Variants in ADCY2 observed in about 807,000 individuals in gnomAD.
The protein encoded by ADCY2 is adenylate cyclase 2.
Under a neutral mutation model 125.2 loss-of-function variants are expected in ADCY2, and 31 were observed. That is an observed-to-expected ratio of 0.25 (90% CI 0.19 to 0.33). ADCY2 has a LOEUF of 0.33. Ranked by LOEUF, ADCY2 falls within the 10% of genes least tolerant of loss-of-function variation. The pLI is 1.00. For missense variants in ADCY2, 904 were observed against 1,418.2 expected (o/e 0.64, Z 5.82); for synonymous variants, 512 against 548.4 (o/e 0.93, Z 0.93).
At chr5:7,617,130 GTGTTC>G (rs1486073485) in intron 3 of ADCY2, among the ~76,000 whole-genome samples, 2 of 152,034 alleles carry the variant, frequency 1.3e-5, no homozygotes, top group Non-Finnish European at 2.9e-5. Context: ...TTGATCTTTT[GTGTTC>G]TGCCATGGGA....
intron 2 of ADCY2, among the ~76,000 whole-genome samples, chr5:7,462,429 A>G (rs1741948450): frequency 6.6e-6 from 1 of 152,200 alleles, no homozygotes; most frequent in South Asian, 2.1e-4. Context: ...GGCATTCCCA[A>G]TACTGCTATC....
At chr5:7,803,868 C>T (rs1485139739) in intron 21 of ADCY2, among the ~76,000 whole-genome samples, 1 of 151,484 alleles carries the variant, frequency 6.6e-6, no homozygotes, top group Non-Finnish European at 1.5e-5. Flanking sequence ...CCACTGCACT[C>T]CAGCTAGGGT....
chr5:7,790,149 G>A (rs1029495460), intron 20 of ADCY2, among the ~76,000 whole-genome samples: 1 of 152,148 alleles, frequency 6.6e-6, no homozygotes, highest in Non-Finnish European at 1.5e-5. Flanking sequence ...CCCATTGTGG[G>A]AGGAGGCCTG....
intron 14 of ADCY2, among the ~76,000 whole-genome samples, chr5:7,735,922 G>T (rs1742235826): frequency 6.6e-6 from 1 of 152,168 alleles, no homozygotes; most frequent in East Asian, 1.9e-4. Flanking sequence ...TTTGGGCCAG[G>T]CATGCTAGCT....
At chr5:7,609,068 A>C (rs963138240) in intron 3 of ADCY2, among the ~76,000 whole-genome samples, 2 of 152,172 alleles carry the variant, frequency 1.3e-5, no homozygotes, top group African/African-American at 4.8e-5. Flanking sequence ...CCAGTCTGGG[A>C]AGGTTTCATT....
chr5:7,461,141 G>A (rs757504433), intron 2 of ADCY2, among the ~76,000 whole-genome samples: 1 of 152,082 alleles, frequency 6.6e-6, no homozygotes, highest in African/African-American at 2.4e-5. Context: ...CCTGGGATGA[G>A]GGTTCTCTCT....
chr5:7,509,107 G>C (rs774708389), intron 2 of ADCY2, among the ~76,000 whole-genome samples: 10 of 152,184 alleles, frequency 6.6e-5, no homozygotes, highest in Non-Finnish European at 1.2e-4. Flanking sequence ...GAAATCAGTG[G>C]ACAAGTTTGG....
At chr5:7,767,534 T>A (rs963066859) in intron 17 of ADCY2, among the ~76,000 whole-genome samples, 5 of 152,218 alleles carry the variant, frequency 3.3e-5, no homozygotes, top group African/African-American at 1.2e-4. Flanking sequence ...AAGGGAACTA[T>A]TTTGGGGACT....
chr5:7,756,473 C>T (rs1311449432), intron 15 of ADCY2, among the ~76,000 whole-genome samples: 1 of 152,154 alleles, frequency 6.6e-6, no homozygotes, highest in Non-Finnish European at 1.5e-5. Flanking sequence ...AGTATAGATC[C>T]ATACAATGGA....
intron 24 of ADCY2, 125 bp from the exon 25 acceptor site, chr5:7,826,594 C>G (rs1195580406): frequency 4.8e-6 from 6 of 1,256,258 alleles, no homozygotes; most frequent in Non-Finnish European, 7.0e-6. Context: ...TTTCTACTAA[C>G]TTCTCAGGAG....
chr5:7,714,014 T>A (rs1741522802), intron 11 of ADCY2, among the ~76,000 whole-genome samples: 1 of 152,222 alleles, frequency 6.6e-6, no homozygotes. Flanking sequence ...GGATGAGCTC[T>A]AATTTGGACT....
intron 4 of ADCY2, among the ~76,000 whole-genome samples, chr5:7,632,047 G>A (rs1189043326): frequency 6.6e-6 from 1 of 152,130 alleles, no homozygotes; most frequent in Non-Finnish European, 1.5e-5. Flanking sequence ...AGCCAAGCTG[G>A]ACATTAATAG....
chr5:7,639,728 T>A (rs528502488), intron 4 of ADCY2, among the ~76,000 whole-genome samples: 13 of 152,324 alleles, frequency 8.5e-5, no homozygotes, highest in Admixed American at 2.6e-4. Context: ...TGAGGCTCAC[T>A]TATATCATCG....
intron 12 of ADCY2, among the ~76,000 whole-genome samples, chr5:7,723,017 T>C (rs1343400174): frequency 6.9e-6 from 1 of 145,550 alleles, no homozygotes; most frequent in African/African-American, 2.6e-5. Flanking sequence ...TGGATGGAGC[T>C]GGAGGCCATT....
At chr5:7,669,948 A>G (rs767845708) in intron 4 of ADCY2, among the ~76,000 whole-genome samples, 1 of 152,138 alleles carries the variant, frequency 6.6e-6, no homozygotes, top group Non-Finnish European at 1.5e-5. Flanking sequence ...ATGTTCCTCA[A>G]TGGTTTATGG....
rs758662226 is a variant in ADCY2 at position 7,827,821 on chromosome 5, A to C, written c.*950A>C. On this transcript the variant is annotated 3_prime_UTR_variant, in exon 25 of 25. Transcript: ENST00000338316. The stretch of plus-strand genomic sequence containing the variant: ...CAGGGAAAAATACTTTAATAGTAAA[A>C]AGATTCTCTGCGAGCAACAGTGCCC... 5 of 152,502 alleles carry C rather than the reference A, an allele frequency of 3.3e-5. No individual in the cohort carries two copies. The highest frequency in any genetic ancestry group is 1.3e-4 in the Admixed American group (2 of 15,308). The allele number at this position is 152,502 out of a possible 1,614,324, so 9.4% of individuals were successfully genotyped here.
At chr5:7,773,162 G>A in intron 18 of ADCY2, 61 bp downstream of exon 18, 1 of 1,526,472 alleles carries the variant, frequency 6.6e-7, no homozygotes, top group Non-Finnish European at 8.9e-7. Context: ...GATAGCATGA[G>A]TGTGTGTTGA....
At chr5:7,537,662 G>A (rs1332022069) in intron 3 of ADCY2, among the ~76,000 whole-genome samples, 2 of 152,168 alleles carry the variant, frequency 1.3e-5, no homozygotes, top group African/African-American at 2.4e-5. Context: ...TGCTTTCCAG[G>A]TGCTCATTCT....
intron 2 of ADCY2, among the ~76,000 whole-genome samples, chr5:7,503,935 G>T (rs888828819): frequency 6.6e-6 from 1 of 152,182 alleles, no homozygotes; most frequent in African/African-American, 2.4e-5. Context: ...TTCGAGAGCA[G>T]CAGACACACC....
Sources: allele counts gnomAD v4.1 joint callset (sites outside exome capture counted in the v4.1 genomes callset), GRCh38; gene constraint gnomAD v4.1.1; transcripts MANE v1.5; gene names NCBI Gene and HGNC (gene_info 2026-07-23, HGNC 2026-07-21).